CLIP2: variants seen among roughly 807,000 people sequenced by gnomAD.
CLIP2 encodes the protein CAP-Gly domain containing linker protein 2.
CLIP2 carries 41 observed loss-of-function variants against 111.7 expected under a neutral mutation model. That is an observed-to-expected ratio of 0.37 (90% CI 0.29 to 0.48). The LOEUF (loss-of-function observed/expected upper bound fraction) is 0.48, where lower values mean the gene tolerates loss of function less well. CLIP2 is among the 20% of genes least tolerant of loss of function. The pLI is 0.99. For missense variants in CLIP2, 1,160 were observed against 1,422.1 expected (o/e 0.82, Z 2.96); for synonymous variants, 660 against 644.2 (o/e 1.02, Z -0.37).
intron 13 of CLIP2, 66 bp from the exon 14 acceptor site, chr7:74,397,008 G>A: frequency 6.4e-7 from 1 of 1,573,720 alleles, no homozygotes; most frequent in Non-Finnish European, 8.6e-7. Flanking sequence ...TTGGCAAATT[G>A]CTAGAGTGTG....
intron 3 of CLIP2, among the ~76,000 whole-genome samples, chr7:74,340,435 C>T (rs1236213957): frequency 6.6e-6 from 1 of 152,070 alleles, no homozygotes; most frequent in Non-Finnish European, 1.5e-5. Context: ...GGTTATAACC[C>T]CTTGCCCAGG....
chr7:74,334,148 C>T (rs570153519), intron 2 of CLIP2, among the ~76,000 whole-genome samples: 4 of 152,328 alleles, frequency 2.6e-5, no homozygotes, highest in Admixed American at 6.5e-5. Context: ...CAGTATGTCA[C>T]TGATGACTCC....
chr7:74,303,881 C>T (rs1417029902), intron 1 of CLIP2, among the ~76,000 whole-genome samples: 1 of 137,170 alleles, frequency 7.3e-6, no homozygotes, highest in Non-Finnish European at 1.5e-5. Flanking sequence ...CACTGCACTC[C>T]AGAATGGGTG....
chr7:74,385,006 G>T (rs1242356988), intron 11 of CLIP2, among the ~76,000 whole-genome samples: 1 of 151,218 alleles, frequency 6.6e-6, no homozygotes, highest in African/African-American at 2.4e-5. Flanking sequence ...GCTAGGCGCG[G>T]TGGCTCATGC....
chr7:74,356,218 T>G (rs1790138589), intron 4 of CLIP2, among the ~76,000 whole-genome samples, 192 bp from the exon 5 acceptor site: 1 of 152,180 alleles, frequency 6.6e-6, no homozygotes, highest in Admixed American at 6.6e-5. Flanking sequence ...CAGACCCTAC[T>G]CACCTATATC....
At chr7:74,316,465 G>C (rs542446066) in intron 1 of CLIP2, among the ~76,000 whole-genome samples, 5 of 151,916 alleles carry the variant, frequency 3.3e-5, no homozygotes, top group Non-Finnish European at 7.4e-5. Context: ...TACCAAGGCT[G>C]GTTTTGAACT....
chr7:74,294,076 C>T (rs1284100082), intron 1 of CLIP2, among the ~76,000 whole-genome samples: 2 of 152,156 alleles, frequency 1.3e-5, no homozygotes, highest in African/African-American at 4.8e-5. Context: ...GCCACCACGC[C>T]TGGCTAATTT....
At chr7:74,327,737 G>A (rs767144390) in intron 2 of CLIP2, among the ~76,000 whole-genome samples, 2 of 152,196 alleles carry the variant, frequency 1.3e-5, no homozygotes, top group African/African-American at 2.4e-5. Context: ...GTGGGGGCAG[G>A]GCTGCCTCCT....
At chr7:74,373,072 C>T (rs1790682551) in intron 9 of CLIP2, 36 bp downstream of exon 9, 1 of 1,433,514 alleles carries the variant, frequency 7.0e-7, no homozygotes, top group Non-Finnish European at 9.6e-7. Flanking sequence ...GCCCGCCAGC[C>T]ACCTTGCCCT....
At chr7:74,317,446 G>A in intron 1 of CLIP2, 34 bp from the exon 2 acceptor site, 1 of 1,293,194 alleles carries the variant, frequency 7.7e-7, no homozygotes, top group Admixed American at 3.1e-5. Flanking sequence ...CCATTGGGAA[G>A]TGATGATGTG....
At chr7:74,298,355 G>GTTTTTTTTT (rs1564023938) in intron 1 of CLIP2, among the ~76,000 whole-genome samples, 1 of 107,896 alleles carries the variant, frequency 9.3e-6, no homozygotes, top group Admixed American at 9.6e-5. Context: ...CCTGCTAATT[G>GTTTTTTTTT]GTTTTTTTTT....
intron 2 of CLIP2, among the ~76,000 whole-genome samples, chr7:74,334,002 TGGGA>T (rs1401056597): frequency 2.0e-5 from 3 of 152,202 alleles, no homozygotes; most frequent in African/African-American, 7.2e-5. Context: ...TTGGCTCCCC[TGGGA>T]GGAGACGTAG....
intron 1 of CLIP2, among the ~76,000 whole-genome samples, chr7:74,295,633 G>A (rs1268513404): frequency 6.6e-6 from 1 of 152,204 alleles, no homozygotes. Flanking sequence ...AAAGGGGCTT[G>A]TGTGTTCTTC....
chr7:74,323,748 A>G (rs1789033049), intron 2 of CLIP2, among the ~76,000 whole-genome samples: 2 of 152,238 alleles, frequency 1.3e-5, no homozygotes, highest in East Asian at 1.9e-4. Flanking sequence ...TCTTATGTTC[A>G]GATGTACAAA....
Position 74,400,409 on chromosome 7 carries a change from C to A in CLIP2, c.2920C>A (p.Leu974Ile). The change falls in exon 15 of 17, where the codon CTC (leucine) becomes ATC (isoleucine). Residue 974 changes from leucine (L) to isoleucine (I), a missense_variant. Around this residue, in one of 5 missense-constraint regions of CLIP2, gnomAD observed 676 missense variants for 777.8 expected, o/e 0.87. Transcript: ENST00000223398. ...CCTGTCGGATCAGAGGCGCTACTCCCTCATCGACCGGTCCTCGGCGCCCGA... is the reference window on the plus strand; with the variant it reads ...CCTGTCGGATCAGAGGCGCTACTCCATCATCGACCGGTCCTCGGCGCCCGA... ...KSLSDQRRYS[L>I]IDRSSAPELL... The A allele has an allele frequency of 6.2e-7, 1 of 1,613,624 alleles. No individual in the cohort carries two copies. The highest frequency in any genetic ancestry group is 8.5e-7 in the Non-Finnish European group (1 of 1,179,704).
intron 2 of CLIP2, among the ~76,000 whole-genome samples, chr7:74,330,076 G>T (rs1554731086): frequency 6.6e-6 from 1 of 151,552 alleles, no homozygotes; most frequent in Admixed American, 6.6e-5. Flanking sequence ...ACTGCATCCG[G>T]CTATTTTTTA....
At chr7:74,360,106 C>A in intron 6 of CLIP2, 69 bp from the exon 7 acceptor site, 6 of 1,340,740 alleles carry the variant, frequency 4.5e-6, no homozygotes, top group Non-Finnish European at 5.1e-6. Flanking sequence ...TGTCTCCCAC[C>A]ACACCACCAA....
intron 3 of CLIP2, among the ~76,000 whole-genome samples, chr7:74,342,917 C>T (rs1789697752): frequency 6.6e-6 from 1 of 151,854 alleles, no homozygotes; most frequent in Non-Finnish European, 1.5e-5. Context: ...AGCCTGTAGT[C>T]CCAGCTACTC....
Position 74,356,720 on chromosome 7 carries a change from C to G in CLIP2, c.1017+97C>G, listed in dbSNP as rs1584355927. On this transcript the variant is annotated intron_variant, in intron 5 of 16. Coordinates refer to ENST00000223398, the MANE Select transcript of CLIP2 (RefSeq NM_003388.5). Reference sequence around the variant, plus strand: ...TGTTCTGGTCTGCCCCTGACTTACTCTAGTTCCAGTTTGGGATTTTTGAAC... The same window carrying G: ...TGTTCTGGTCTGCCCCTGACTTACTGTAGTTCCAGTTTGGGATTTTTGAAC... The G allele has an allele frequency of 3.5e-6, 4 of 1,152,672 alleles. No homozygotes were observed. In the East Asian group the frequency reaches 7.7e-5, roughly 22 times the overall value. 71.4% of individuals were successfully genotyped at this position (1,152,672 alleles called of 1,614,324 possible).
Sources: allele counts gnomAD v4.1 joint callset (sites outside exome capture counted in the v4.1 genomes callset), GRCh38; gene constraint gnomAD v4.1.1; regional missense constraint gnomAD v4.1.1; transcripts MANE v1.5; gene names NCBI Gene and HGNC (gene_info 2026-07-23, HGNC 2026-07-21).